Variants in ICA1 observed in about 807,000 individuals in gnomAD.
ICA1 encodes the protein islet cell autoantigen 1, also known as 69 kDa islet cell autoantigen.
In ICA1, 40 loss-of-function variants were observed where a neutral mutation model predicts 71.0. That is an observed-to-expected ratio of 0.56 (90% CI 0.44 to 0.73). The LOEUF (loss-of-function observed/expected upper bound fraction) is 0.73. ICA1 is among the 30% of genes least tolerant of loss of function. The probability of loss-of-function intolerance (pLI) is 0.00; values close to 1 mark genes in which losing one functional copy is unlikely to be tolerated. For synonymous variants in ICA1, 207 were observed against 209.5 expected (o/e 0.99, Z 0.10); for missense variants, 578 against 576.5 (o/e 1.00, Z -0.03).
intron 6 of ICA1, among the ~76,000 whole-genome samples, chr7:8,179,740 T>C (rs967604995): frequency 2.0e-5 from 3 of 151,998 alleles, no homozygotes; most frequent in East Asian, 1.9e-4. Context: ...TATACTTTCC[T>C]GAGGAAGGGA....
chr7:8,225,601 C>T (rs1798373028), intron 4 of ICA1, among the ~76,000 whole-genome samples: 2 of 152,178 alleles, frequency 1.3e-5, no homozygotes, highest in South Asian at 4.1e-4. Context: ...AGCGTTAGTG[C>T]TTCTAGGTCA....
At chr7:8,183,652 A>G (rs912858455) in intron 6 of ICA1, among the ~76,000 whole-genome samples, 4 of 152,294 alleles carry the variant, frequency 2.6e-5, no homozygotes, top group Admixed American at 6.5e-5. Flanking sequence ...CTGCCATTAG[A>G]TCTGGAAAAT....
intron 13 of ICA1, among the ~76,000 whole-genome samples, chr7:8,120,874 G>A (rs1293731749): frequency 6.6e-6 from 1 of 152,236 alleles, no homozygotes; most frequent in Non-Finnish European, 1.5e-5. Context: ...TTTACCAGCG[G>A]GGAGAGCCGA....
In ICA1 at chr7:8,165,608, T is replaced by C. The variant is rs532419759; in HGVS notation, c.580-6956A>G. ...TATCCCTGTTTGCAGATAATAATAC[T>C]CTATACCCAGAAAGCCCCATCATCT... is the stretch of plus-strand genomic sequence containing the variant. On this transcript the variant is annotated intron_variant, in intron 6 of 13. Coordinates refer to ENST00000402384, the MANE Select transcript of ICA1 (RefSeq NM_001136020.3). Among the ~76,000 whole-genome samples the C allele has an allele frequency of 2.0e-5, 3 of 152,246 alleles. No homozygotes were observed. The East Asian group carries it at 5.8e-4, about 29-fold the overall frequency.
chr7:8,128,196 G>A lies in ICA1; in HGVS notation c.1061-54C>T. The A allele has an allele frequency of 3.2e-6, 5 of 1,570,770 alleles. No individual in the cohort carries two copies. In the Admixed American group the frequency reaches 5.3e-5, roughly 17 times the overall value. ...CACCACGGAGGGCTCAAGCCCTCAG[G>A]AATCAATGCTGTGGGGGCTGCGAAG... is the stretch of plus-strand genomic sequence containing the variant. On this transcript the variant is annotated intron_variant, in intron 12 of 13. Coordinates refer to ENST00000402384, the MANE Select transcript of ICA1 (RefSeq NM_001136020.3).
At chr7:8,206,949 A>G (rs1201910869) in intron 6 of ICA1, among the ~76,000 whole-genome samples, 2 of 152,198 alleles carry the variant, frequency 1.3e-5, no homozygotes, top group Non-Finnish European at 2.9e-5. Context: ...ACTAATACCC[A>G]TGAACTATTT....
chr7:8,209,117 G>C (rs1000349211), intron 6 of ICA1, among the ~76,000 whole-genome samples: 1 of 152,208 alleles, frequency 6.6e-6, no homozygotes, highest in Non-Finnish European at 1.5e-5. Flanking sequence ...GACCAGATCA[G>C]TTCACACAGA....
chr7:8,143,577 G>C (rs1166363395), intron 9 of ICA1, among the ~76,000 whole-genome samples: 1 of 152,198 alleles, frequency 6.6e-6, no homozygotes, highest in African/African-American at 2.4e-5. Flanking sequence ...TGGGGCTCAG[G>C]TCACAGGCAG....
chr7:8,220,522 TG>T (rs1349859989), intron 5 of ICA1, among the ~76,000 whole-genome samples: 1 of 152,164 alleles, frequency 6.6e-6, no homozygotes, highest in Non-Finnish European at 1.5e-5. Flanking sequence ...AGTGACATTT[TG>T]GGGGTTTGTT....
chr7:8,210,100 G>A (rs547337593), intron 6 of ICA1, among the ~76,000 whole-genome samples: 19 of 152,348 alleles, frequency 1.2e-4, no homozygotes, highest in African/African-American at 4.6e-4. Context: ...ATCACTTTAT[G>A]TTACAGAATT....
At chr7:8,141,953 A>G (rs1443510633) in intron 9 of ICA1, 136 bp from the exon 10 acceptor site, 9 of 1,482,880 alleles carry the variant, frequency 6.1e-6, no homozygotes, top group South Asian at 2.4e-5. Context: ...AGAAGGGTCA[A>G]CATATAGTCA....
At position 8,182,454 on chromosome 7, in the gene ICA1, G is replaced by A. The variant is rs908445109; in HGVS notation, c.580-23802C>T. 5.3e-5 allele frequency among the ~76,000 whole-genome samples: 8 copies of A among 152,160 alleles called. No homozygotes were observed. In the East Asian group the frequency reaches 1.5e-3, roughly 29 times the overall value. On this transcript the variant is annotated intron_variant, in intron 6 of 13. Coordinates refer to ENST00000402384, the MANE Select transcript of ICA1 (RefSeq NM_001136020.3). ...AATACTTGAAGGAATGACTATGAAA[G>A]TTGGGCAGAGGAGAAGAACAGGACT...
At chr7:8,149,203 T>A (rs1345884376) in intron 8 of ICA1, among the ~76,000 whole-genome samples, 1 of 152,154 alleles carries the variant, frequency 6.6e-6, no homozygotes, top group African/African-American at 2.4e-5. Context: ...CGAATCCACG[T>A]CCAGAAATGA....
intron 8 of ICA1, among the ~76,000 whole-genome samples, chr7:8,147,259 T>C (rs1301551274): frequency 1.3e-5 from 2 of 152,126 alleles, no homozygotes; most frequent in East Asian, 3.9e-4. Flanking sequence ...AATCCTTTTG[T>C]AATGTAAACC....
rs1040596485 is a variant in ICA1 at position 8,223,823 on chromosome 7, T to A, written c.257-2425A>T. On this transcript the variant is annotated intron_variant, in intron 4 of 13. Coordinates refer to ENST00000402384, the MANE Select transcript of ICA1 (RefSeq NM_001136020.3). This position sits in a 1 kb window ranked among gnomAD's most constrained non-coding sequence, Gnocchi z 4.1. ...CTCAAAATGTTCTATTAATAAGGTTTCAATTATCTGGGACTTGAGAATTCA... is the reference window on the plus strand; with the variant it reads ...CTCAAAATGTTCTATTAATAAGGTTACAATTATCTGGGACTTGAGAATTCA... Among the ~76,000 whole-genome samples the A allele has an allele frequency of 1.3e-5, 2 of 152,198 alleles. No individual in the cohort carries two copies. The highest frequency in any genetic ancestry group is 2.9e-5 in the Non-Finnish European group (2 of 68,032).
chr7:8,230,437 A>G (rs1799927465), intron 3 of ICA1, among the ~76,000 whole-genome samples: 1 of 152,158 alleles, frequency 6.6e-6, no homozygotes. Flanking sequence ...TATTTCATGG[A>G]TGGAATCCAT....
In ICA1 at chr7:8,130,755, T is replaced by C. The variant is rs1791149945; in HGVS notation, c.1061-2613A>G. Among the ~76,000 whole-genome samples, 1 of 152,196 alleles carries C rather than the reference T, an allele frequency of 6.6e-6. No homozygotes were observed. Among genetic ancestry groups the C allele is most frequent in the South Asian group, 2.1e-4 (1 of 4,822 alleles). ...TGTCCAGGGAAGATCATCATTAACA[T>C]TAGCAAGAACAAATAATAAACTGTA... On this transcript the variant is annotated intron_variant, in intron 12 of 13. Transcript: ENST00000402384. This position sits in a 1 kb window ranked among gnomAD's most constrained non-coding sequence, Gnocchi z 4.2.
At position 8,226,092 on chromosome 7, in the gene ICA1, A is replaced by G. The variant is rs2192343; in HGVS notation, c.256+2509T>C. ...ATCAGGTTCATTTGCTACTGTTTGTATTCCATTTTAGATTTTCCCACATCT... is the reference window on the plus strand; with the variant it reads ...ATCAGGTTCATTTGCTACTGTTTGTGTTCCATTTTAGATTTTCCCACATCT... On this transcript the variant is annotated intron_variant, in intron 4 of 13. Coordinates refer to ENST00000402384, the MANE Select transcript of ICA1 (RefSeq NM_001136020.3). The surrounding 1 kb of genome is among the most constrained non-coding windows in gnomAD (Gnocchi z 4.4). 0.096 allele frequency among the ~76,000 whole-genome samples: 14,629 copies of G among 152,050 alleles called. 1,769 individuals are homozygous for G. The highest frequency in any genetic ancestry group is 0.29 in the African/African-American group (11,943 of 41,448).
chr7:8,173,156 C>T lies in ICA1; in HGVS notation c.580-14504G>A, dbSNP rs749696719. On this transcript the variant is annotated intron_variant, in intron 6 of 13. Coordinates refer to ENST00000402384, the MANE Select transcript of ICA1 (RefSeq NM_001136020.3). This position sits in a 1 kb window ranked among gnomAD's most constrained non-coding sequence, Gnocchi z 4.0. The stretch of plus-strand genomic sequence containing the variant: ...CAATGAGGTCACGGCCTCTGACTAT[C>T]ATGTCCCCTCTCTAAGTAACCAGGG... Among the ~76,000 whole-genome samples the T allele has an allele frequency of 6.6e-6, 1 of 152,164 alleles. No homozygotes were observed. Among genetic ancestry groups the T allele is most frequent in the Non-Finnish European group, 1.5e-5 (1 of 68,020 alleles).
Sources: allele counts gnomAD v4.1 joint callset (sites outside exome capture counted in the v4.1 genomes callset), GRCh38; gene constraint gnomAD v4.1.1; non-coding constraint Gnocchi (gnomAD v3.1); transcripts MANE v1.5; gene names NCBI Gene and HGNC (gene_info 2026-07-23, HGNC 2026-07-21).